CDHR3: variants seen among roughly 807,000 people sequenced by gnomAD.
CDHR3 encodes the protein cadherin-related family member 3.
Under a neutral mutation model 86.6 loss-of-function variants are expected in CDHR3, and 79 were observed. The ratio of observed to expected loss-of-function variants is 0.91; its 90% confidence interval spans 0.76 to 1.10. The LOEUF (loss-of-function observed/expected upper bound fraction) is 1.10. Ranked by LOEUF, CDHR3 falls within the 50% of genes least tolerant of loss-of-function variation. The pLI, the probability that CDHR3 is intolerant of heterozygous loss-of-function variation, is 0.00. For synonymous variants in CDHR3, 421 were observed against 402.4 expected, an observed-to-expected ratio of 1.05 and a Z score of -0.55; for missense variants, 1,081 against 1,077.6, an observed-to-expected ratio of 1.00 and a Z score of -0.04.
At chr7:106,024,050 C>T (rs1836983249) in intron 14 of CDHR3, among the ~76,000 whole-genome samples, 1 of 151,826 alleles carries the variant, frequency 6.6e-6, no homozygotes, top group South Asian at 2.1e-4. Context: ...GAGACAATGG[C>T]TATATTCGTC....
rs115487253 is a variant in CDHR3 at position 105,972,413 on chromosome 7, G to A, written c.47-2431G>A. On this transcript the variant is annotated intron_variant, in intron 1 of 18. Transcript: ENST00000317716. ...TGGAGGGGCACGAGTCACTGGAGAG[G>A]GTTGGAGGGGGCAAGGGAAGAATAT... Among the ~76,000 whole-genome samples the A allele has an allele frequency of 9.3e-3, 1,417 of 152,228 alleles. 14 individuals are homozygous for A. The highest frequency in any genetic ancestry group is 0.034 in the Middle Eastern group (10 of 294).
At chr7:105,965,570 C>CCA (rs917738091) in intron 1 of CDHR3, among the ~76,000 whole-genome samples, 2 of 110,826 alleles carry the variant, frequency 1.8e-5, no homozygotes, top group African/African-American at 5.8e-5. Context: ...AAGCCCCACC[C>CCA]CCCCCCATGG....
At position 105,996,304 on chromosome 7, in the gene CDHR3, G is replaced by T. The variant is rs773784444; in HGVS notation, c.663G>T (p.Glu221Asp). The change falls in exon 6 of 19, where the codon GAG becomes GAT. Residue 221 changes from glutamate to aspartate, a missense_variant. Glu to Asp is a conservative substitution (Grantham distance 45). Transcript: ENST00000317716. ...RDSGGLKAST[E>D]LQVNIVNLND... ...GTGGAGGCCTCAAAGCCTCCACAGA[G>T]CTCCAGGTGAACATCGTGAACCTCA... 6.2e-7 allele frequency: 1 copy of T among 1,600,950 alleles called. No individual in the cohort carries two copies. The highest frequency in any genetic ancestry group is 1.1e-5 in the South Asian group (1 of 90,418).
chr7:106,032,201 C>T lies in CDHR3; in HGVS notation c.2354-192C>T, dbSNP rs376178074. 9.2e-5 allele frequency among the ~76,000 whole-genome samples: 14 copies of T among 152,280 alleles called. No individual in the cohort carries two copies. The East Asian group carries it at 1.5e-3, about 17-fold the overall frequency. On this transcript the variant is annotated intron_variant, in intron 18 of 18. Coordinates refer to ENST00000317716, the MANE Select transcript of CDHR3 (RefSeq NM_152750.5). Reference sequence around the variant, plus strand: ...TGCTACCTGTGTGGTCCGAGCAGCACGGCTTGTGGCAAGGGCAGGCTGGTG... The same window carrying T: ...TGCTACCTGTGTGGTCCGAGCAGCATGGCTTGTGGCAAGGGCAGGCTGGTG...
At position 106,033,393 on chromosome 7, in the gene CDHR3, A is replaced by G. The variant is rs147340233; in HGVS notation, c.*696A>G. 6.6e-6 allele frequency: 1 copy of G among 152,308 alleles called. No individual in the cohort carries two copies. Among genetic ancestry groups the G allele is most frequent in the Non-Finnish European group, 1.5e-5 (1 of 68,028 alleles). The allele number at this position is 152,308 out of a possible 1,614,324, so 9.4% of individuals were successfully genotyped here. On this transcript the variant is annotated 3_prime_UTR_variant, in exon 19 of 19. Coordinates refer to ENST00000317716, the MANE Select transcript of CDHR3 (RefSeq NM_152750.5). ...TCTATGATTATATCACAATTTATCTATTCTACACTTGGGTGGCAGCTGCTT... is the reference window on the plus strand; with the variant it reads ...TCTATGATTATATCACAATTTATCTGTTCTACACTTGGGTGGCAGCTGCTT...
At chr7:106,010,382 G>A (rs1031534134) in intron 8 of CDHR3, among the ~76,000 whole-genome samples, 2 of 152,174 alleles carry the variant, frequency 1.3e-5, no homozygotes, top group Admixed American at 6.5e-5. Flanking sequence ...TAAAGTGCTT[G>A]GTATGATACA....
chr7:106,020,632 T>G, intron 13 of CDHR3, 88 bp downstream of exon 13: 1 of 1,405,240 alleles, frequency 7.1e-7, no homozygotes. Context: ...CACACTGATC[T>G]GGGCAAAGTG....
intron 1 of CDHR3, among the ~76,000 whole-genome samples, chr7:105,974,083 C>T (rs1460715776): frequency 1.3e-5 from 2 of 152,334 alleles, no homozygotes; most frequent in African/African-American, 2.4e-5. Flanking sequence ...TTCCTTTTCT[C>T]TGCACTGGCA....
At position 106,030,016 on chromosome 7, in the gene CDHR3, G is replaced by A. The variant is rs1041632411; in HGVS notation, c.2305-776G>A. On this transcript the variant is annotated intron_variant, in intron 17 of 18. Coordinates refer to ENST00000317716, the MANE Select transcript of CDHR3 (RefSeq NM_152750.5). This position sits in a 1 kb window ranked among gnomAD's most constrained non-coding sequence, Gnocchi z 4.8. ...TTTCCTCTCTCTTCAGAGTTGGGGA[G>A]TTGTGGGGAACTAGGTAGGGGATCC... is the stretch of plus-strand genomic sequence containing the variant. Among the ~76,000 whole-genome samples, 2 of 152,226 alleles carry A rather than the reference G, an allele frequency of 1.3e-5. No homozygotes were observed. Among genetic ancestry groups the A allele is most frequent in the Non-Finnish European group, 2.9e-5 (2 of 68,038 alleles).
chr7:106,016,568 T>G (rs1835656871), intron 11 of CDHR3, among the ~76,000 whole-genome samples: 1 of 152,116 alleles, frequency 6.6e-6, no homozygotes, highest in Non-Finnish European at 1.5e-5. Context: ...ACTTTCTGCC[T>G]CCCTCTCGCT....
At chr7:106,002,655 T>C (rs1156826731) in intron 7 of CDHR3, among the ~76,000 whole-genome samples, 1 of 152,176 alleles carries the variant, frequency 6.6e-6, no homozygotes, top group Non-Finnish European at 1.5e-5. Flanking sequence ...GAGGGTTCCC[T>C]GAAGTCTTCT....
intron 1 of CDHR3, among the ~76,000 whole-genome samples, chr7:105,967,519 G>A (rs1177050057): frequency 6.6e-6 from 1 of 152,174 alleles, no homozygotes; most frequent in East Asian, 1.9e-4. Context: ...AGATCCTTGA[G>A]GAATCGCCAC....
At chr7:106,001,694 C>A in intron 7 of CDHR3, 84 bp downstream of exon 7, 1 of 1,549,262 alleles carries the variant, frequency 6.5e-7, no homozygotes, top group Non-Finnish European at 8.8e-7. Context: ...CCTCGTTACC[C>A]ATGAGAATTG....
intron 7 of CDHR3, among the ~76,000 whole-genome samples, chr7:106,002,507 G>A (rs908542216): frequency 1.3e-5 from 2 of 152,174 alleles, no homozygotes; most frequent in African/African-American, 4.8e-5. Flanking sequence ...GGTTACCTCT[G>A]GAATGAAGCT....
chr7:105,984,186 G>A lies in CDHR3; in HGVS notation c.416-6G>A, dbSNP rs778910512. On this transcript the variant is annotated splice_polypyrimidine_tract_variant and splice_region_variant and intron_variant, in intron 3 of 18. Coordinates refer to ENST00000317716, the MANE Select transcript of CDHR3 (RefSeq NM_152750.5). Reference sequence around the variant, plus strand: ...GTTTCTTATTCCACTTTGGACACTGGTCTAGGTCTACACCTCTACATAGTA... The same window carrying A: ...GTTTCTTATTCCACTTTGGACACTGATCTAGGTCTACACCTCTACATAGTA... 6.4e-7 allele frequency: 1 copy of A among 1,558,298 alleles called. No homozygotes were observed. Among genetic ancestry groups the A allele is most frequent in the East Asian group, 2.3e-5 (1 of 43,634 alleles).
At chr7:105,973,413 A>G (rs1828269114) in intron 1 of CDHR3, among the ~76,000 whole-genome samples, 1 of 152,208 alleles carries the variant, frequency 6.6e-6, no homozygotes, top group African/African-American at 2.4e-5. Context: ...TCTGCAATCA[A>G]GGTGTTGGCA....
intron 8 of CDHR3, among the ~76,000 whole-genome samples, chr7:106,006,310 C>T (rs1194673043): frequency 1.3e-5 from 2 of 152,176 alleles, no homozygotes; most frequent in African/African-American, 2.4e-5. Flanking sequence ...CCAAATCTCA[C>T]GTTCTCACAT....
Position 106,022,221 on chromosome 7 carries a change from T to G in CDHR3, c.1849T>G (p.Phe617Val). The G allele has an allele frequency of 6.2e-7, 1 of 1,614,040 alleles. No individual in the cohort carries two copies. Among genetic ancestry groups the G allele is most frequent in the Non-Finnish European group, 8.5e-7 (1 of 1,179,888 alleles). Reference sequence around the variant, plus strand: ...AGGTAACGTCAACAATCATTTCACCTTCTCTCCCAATGCTGGTTCCAATGT... The same window carrying G: ...AGGTAACGTCAACAATCATTTCACCGTCTCTCCCAATGCTGGTTCCAATGT... ...GPGNVNNHFT[F>V]SPNAGSNVTR... Residue 617 changes from phenylalanine (F) to valine (V), a missense_variant, in exon 14 of 19, where the codon TTC (phenylalanine) becomes GTC (valine). Transcript: ENST00000317716.
At chr7:106,020,245 T>C in intron 12 of CDHR3, 128 bp from the exon 13 acceptor site, 1 of 741,974 alleles carries the variant, frequency 1.3e-6, no homozygotes, top group East Asian at 2.7e-5. Context: ...GGAATAATCA[T>C]GTTAGCTATC....
Sources: allele counts gnomAD v4.1 joint callset (sites outside exome capture counted in the v4.1 genomes callset), GRCh38; gene constraint gnomAD v4.1.1; non-coding constraint Gnocchi (gnomAD v3.1); transcripts MANE v1.5; gene names NCBI Gene and HGNC (gene_info 2026-07-23, HGNC 2026-07-21).